RCN3: variants seen among roughly 807,000 people sequenced by gnomAD.
RCN3 encodes the protein reticulocalbin 3, also known as reticulocalbin-3.
RCN3 carries 41 observed loss-of-function variants against 35.9 expected under a neutral mutation model. The observed-to-expected ratio is 1.14, with a 90% CI of 0.89 to 1.48. The LOEUF is 1.48. Among genes scored for constraint, RCN3 ranks in the 40% most tolerant of loss-of-function variants. RCN3 has a pLI of 0.00. For missense variants in RCN3, 451 were observed against 471.3 expected (o/e 0.96, Z 0.40); for synonymous variants, 187 against 193.4 (o/e 0.97, Z 0.27).
At position 49,534,309 on chromosome 19, in the gene RCN3, C is replaced by T. The variant is rs574595817; in HGVS notation, c.359C>T (p.Ala120Val). 2.3e-5 allele frequency: 35 copies of T among 1,492,960 alleles called. No homozygotes were observed. The highest frequency in any genetic ancestry group is 2.1e-4 in the South Asian group (16 of 76,056). 92.5% of individuals were successfully genotyped at this position (1,492,960 alleles called of 1,614,324 possible). A position where few individuals can be genotyped will look rare whatever the true frequency, so the allele number is the denominator to read the frequency against. The change falls in exon 3 of 7, where the codon GCG (alanine) becomes GTG (valine). Residue 120 changes from alanine to valine, a missense_variant. Ala to Val is a moderately conservative substitution (Grantham distance 64). Transcript: ENST00000270645. ...CGGCACATACGGGACTCGGTGAGCGCGGCCTGGGACACGTACGACACGGAC... is the reference window on the plus strand; with the variant it reads ...CGGCACATACGGGACTCGGTGAGCGTGGCCTGGGACACGTACGACACGGAC... ...QQRHIRDSVSAAWDTYDTDRD... is the reference protein window; with the variant it reads ...QQRHIRDSVSVAWDTYDTDRD...
chr19:49,534,199 C>A lies in RCN3; in HGVS notation c.249C>A (p.Ile83=), dbSNP rs539815379. 2.7e-6 allele frequency: 4 copies of A among 1,493,484 alleles called. No homozygotes were observed. The highest frequency in any genetic ancestry group is 5.3e-5 in the East Asian group (2 of 37,896). 92.5% of individuals were successfully genotyped at this position (1,493,484 alleles called of 1,614,324 possible). Residue 83 remains isoleucine (I), a synonymous_variant, in exon 3 of 7, where the codon ATC becomes ATA. Coordinates refer to ENST00000270645, the MANE Select transcript of RCN3 (RefSeq NM_020650.3). Reference sequence around the variant, plus strand: ...TGCCCGCCCCGGCTTCTAGGCGGATCGTGGACCGCATGGACCGCGCGGGGG... The same window carrying A: ...TGCCCGCCCCGGCTTCTAGGCGGATAGTGGACCGCATGGACCGCGCGGGGG... The part of the protein sequence containing the change: ...PEESQARLGR[I]VDRMDRAGDG...
chr19:49,539,238 T>G, intron 5 of RCN3, 59 bp downstream of exon 5: 1 of 1,431,516 alleles, frequency 7.0e-7, no homozygotes, highest in Non-Finnish European at 9.7e-7. Context: ...TGGGCAGGGT[T>G]GGTGGGGGTA....
chr19:49,535,104 C>G (rs937937665), intron 3 of RCN3, among the ~76,000 whole-genome samples: 7 of 152,166 alleles, frequency 4.6e-5, no homozygotes, highest in East Asian at 3.9e-4. Flanking sequence ...CTCCCTCCCC[C>G]TCCTGGGCCC....
chr19:49,529,452 C>A (rs1457530812), intron 2 of RCN3, among the ~76,000 whole-genome samples: 2 of 152,172 alleles, frequency 1.3e-5, no homozygotes, highest in African/African-American at 4.8e-5. Flanking sequence ...GGCCTGAGCG[C>A]AGGGGGGCGC....
chr19:49,539,802 A>T (rs1175370038), intron 5 of RCN3, among the ~76,000 whole-genome samples: 1 of 145,094 alleles, frequency 6.9e-6, no homozygotes, highest in Non-Finnish European at 1.5e-5. Context: ...GGCTCTCTGC[A>T]ACCTCCGCCT....
At chr19:49,539,865 G>A (rs899374832) in intron 5 of RCN3, among the ~76,000 whole-genome samples, 19 of 151,756 alleles carry the variant, frequency 1.3e-4, no homozygotes, top group Non-Finnish European at 2.6e-4. Flanking sequence ...TGGGATTACT[G>A]GTGCCTGCCA....
chr19:49,543,054 C>A, intron 6 of RCN3, 52 bp from the exon 7 acceptor site: 1 of 1,464,814 alleles, frequency 6.8e-7, no homozygotes, highest in Non-Finnish European at 9.6e-7. Context: ...GCAGGGAGGG[C>A]TTTTGAAAGC....
chr19:49,528,439 C>T (rs1568707111), intron 1 of RCN3, 28 bp from the exon 2 acceptor site: 1 of 1,467,576 alleles, frequency 6.8e-7, no homozygotes, highest in East Asian at 2.6e-5. Flanking sequence ...CCTGTGACCC[C>T]TGACCCCTGG....
intron 3 of RCN3, 110 bp downstream of exon 3, chr19:49,534,505 C>G (rs2080125458): frequency 9.3e-7 from 1 of 1,076,450 alleles, no homozygotes; most frequent in Admixed American, 2.9e-5. Flanking sequence ...TGGCCCCTAA[C>G]CAGGCTCTAC....
intron 2 of RCN3, among the ~76,000 whole-genome samples, chr19:49,533,399 T>C (rs1258584819): frequency 1.3e-5 from 2 of 151,552 alleles, no homozygotes; most frequent in East Asian, 1.9e-4. Flanking sequence ...TAATTAGAGA[T>C]TGGGAGAGGA....
intron 6 of RCN3, among the ~76,000 whole-genome samples, 163 bp downstream of exon 6, chr19:49,542,915 A>AAGAGAGGGGGACAGAGACCCAGAG (rs377742328): frequency 0.088 from 13,253 of 150,732 alleles, 708 homozygotes; most frequent in African/African-American, 0.14. Flanking sequence ...GAGCCCCAGA[A>AAGAGAGGGGGACAGAGACCCAGAG]AGAGAGGGGG....
chr19:49,528,281 G>T, intron 1 of RCN3, 186 bp from the exon 2 acceptor site: 1 of 521,836 alleles, frequency 1.9e-6, no homozygotes, highest in Non-Finnish European at 3.3e-6. Context: ...CTCCCCATAG[G>T]TGGCTTTACC....
chr19:49,534,248 G>T lies in RCN3; in HGVS notation c.298G>T (p.Ala100Ser). The T allele has an allele frequency of 6.8e-7, 1 of 1,470,610 alleles. No homozygotes were observed. The highest frequency in any genetic ancestry group is 9.0e-7 in the Non-Finnish European group (1 of 1,115,596). 91.1% of individuals were successfully genotyped at this position (1,470,610 alleles called of 1,614,324 possible). A position where few individuals can be genotyped will look rare whatever the true frequency, so the allele number is the denominator to read the frequency against. ...GGACGGCGACGGCTGGGTGTCGCTGGCCGAGCTTCGCGCGTGGATCGCGCA... is the reference window on the plus strand; with the variant it reads ...GGACGGCGACGGCTGGGTGTCGCTGTCCGAGCTTCGCGCGTGGATCGCGCA... ...AGDGDGWVSL[A>S]ELRAWIAHTQ... Residue 100 changes from alanine (A) to serine (S), a missense_variant, in exon 3 of 7, where the codon GCC becomes TCC. Transcript: ENST00000270645.
At chr19:49,536,952 AG>A (rs2080138584) in intron 3 of RCN3, 80 bp from the exon 4 acceptor site, 3 of 1,296,792 alleles carry the variant, frequency 2.3e-6, no homozygotes, top group Non-Finnish European at 3.1e-6. Context: ...GTACCCCAGT[AG>A]GATTTACTTT....
At chr19:49,539,054 G>A (rs2080150391) in intron 4 of RCN3, 65 bp from the exon 5 acceptor site, 3 of 1,228,386 alleles carry the variant, frequency 2.4e-6, no homozygotes, top group African/African-American at 1.5e-5. Context: ...CTTACCCCAG[G>A]GGTCCAGCCT....
intron 5 of RCN3, 125 bp from the exon 6 acceptor site, chr19:49,542,428 C>A: frequency 1.6e-6 from 1 of 628,202 alleles, no homozygotes; most frequent in Non-Finnish European, 2.8e-6. Flanking sequence ...GACGCTGAGG[C>A]GAGAGAGAGG....
In RCN3 at chr19:49,528,553, C is replaced by A. The variant is rs371220960; in HGVS notation, c.81C>A (p.Gly27=). The A allele has an allele frequency of 1.9e-6, 3 of 1,591,488 alleles. No homozygotes were observed. Among genetic ancestry groups the A allele is most frequent in the Non-Finnish European group, 1.7e-6 (2 of 1,170,410 alleles). Residue 27 remains glycine (G), a synonymous_variant, in exon 2 of 7, where the codon GGC becomes GGA. Coordinates refer to ENST00000270645, the MANE Select transcript of RCN3 (RefSeq NM_020650.3). ...GAQGKPSPDA[G]PHGQGRVHQA... is the part of the protein sequence containing the mutation. ...AGGGGAAGCCATCCCCAGACGCAGG[C>A]CCTCATGGCCAGGGGAGGGTGCACC... is the stretch of plus-strand genomic sequence containing the variant.
At chr19:49,539,201 C>T (rs762043156) in intron 5 of RCN3, 22 bp downstream of exon 5, 6 of 1,593,108 alleles carry the variant, frequency 3.8e-6, no homozygotes, top group Non-Finnish European at 5.1e-6. Context: ...CCAATTTCTT[C>T]TTGGGATGCC....
Position 49,537,193 on chromosome 19 carries a change from C to T in RCN3, c.606C>T (p.Asp202=), listed in dbSNP as rs1414049198. ...CCGAGGAGTTCCCTCACATGCGGGA[C>T]ATCGTGATTGCTGTGAGTGGCGGCT... ...LHPEEFPHMR[D]IVIAETLEDL... The change falls in exon 4 of 7, where the codon GAC becomes GAT. Residue 202 remains aspartate (D), a synonymous_variant. Coordinates refer to ENST00000270645, the MANE Select transcript of RCN3 (RefSeq NM_020650.3). 1 of 1,534,942 alleles carries T rather than the reference C, an allele frequency of 6.5e-7. No homozygotes were observed. The highest frequency in any genetic ancestry group is 8.8e-7 in the Non-Finnish European group (1 of 1,136,050).
Sources: gnomAD v4.1 joint callset for allele counts (sites outside exome capture counted in the v4.1 genomes callset) on GRCh38, gnomAD v4.1.1 for gene constraint, MANE v1.5 for transcripts, NCBI Gene and HGNC (gene_info 2026-07-23, HGNC 2026-07-21) for gene names.